The following PEAK1 variants were observed in gnomAD, a reference collection of about 807,000 sequenced individuals.
PEAK1 encodes the protein pseudopodium enriched atypical kinase 1, also known as inactive tyrosine-protein kinase PEAK1.
A neutral mutation model predicts 124.7 loss-of-function variants in PEAK1; 54 were observed. The ratio of observed to expected loss-of-function variants is 0.43; its 90% CI spans 0.35 to 0.54. The LOEUF is 0.54. Among genes scored for constraint, PEAK1 ranks in the 20% least tolerant of loss-of-function variants. PEAK1 has a pLI of 0.01. For synonymous variants in PEAK1, 719 were observed against 760.0 expected, an observed-to-expected ratio of 0.95 and a Z score of 0.89; for missense variants, 2,046 against 2,134.5, an observed-to-expected ratio of 0.96 and a Z score of 0.82.
rs997514573 is a variant in PEAK1 at position 77,286,516 on chromosome 15, T to C, written c.-602-12A>G. 2.5e-6 allele frequency: 3 copies of C among 1,201,818 alleles called. No individual in the cohort carries two copies. Among genetic ancestry groups the C allele is most frequent in the East Asian group, 3.2e-5 (1 of 31,438 alleles). The allele number at this position is 1,201,818 out of a possible 1,614,324, so 74.4% of individuals were successfully genotyped here. ...CAAGTATTCTTTTCCTATTAGAAGA[T>C]GCAAAGTGGGGAAGATATATTAATA... On this transcript the variant is annotated splice_polypyrimidine_tract_variant and intron_variant, in intron 2 of 9. Transcript: ENST00000682557.
In PEAK1 at chr15:77,371,508, TACC is replaced by T. The variant is rs71145817; in HGVS notation, c.-665-6286_-665-6284del. On this transcript the variant is annotated intron_variant, in intron 1 of 9. Coordinates refer to ENST00000682557, the MANE Select transcript of PEAK1 (RefSeq NM_001385026.1). ...AGCCTTTGTTGTAACACTACACACA[TACC>T]ACCACCACCACCACCACCACCACCA... 4.0e-4 allele frequency: 267 copies of T among 674,104 alleles called. 1 individual carries two copies. The highest frequency in any genetic ancestry group is 8.0e-4 in the South Asian group (13 of 16,334). 41.8% of individuals were successfully genotyped at this position (674,104 alleles called of 1,614,324 possible).
intron 9 of PEAK1, among the ~76,000 whole-genome samples, chr15:77,126,234 TA>T (rs1348691091): frequency 6.6e-6 from 1 of 152,206 alleles, no homozygotes; most frequent in Non-Finnish European, 1.5e-5. Context: ...ATGTGACATT[TA>T]AAAAATGTTT....
intron 8 of PEAK1, among the ~76,000 whole-genome samples, chr15:77,142,910 C>T (rs185768117): frequency 6.6e-6 from 1 of 152,250 alleles, no homozygotes; most frequent in East Asian, 1.9e-4. Flanking sequence ...ATTAGTGATG[C>T]TTGCAAAATT....
chr15:77,311,685 C>CAAAAAAAAA (rs11296386), intron 2 of PEAK1, among the ~76,000 whole-genome samples: 30 of 85,822 alleles, frequency 3.5e-4, no homozygotes, highest in Non-Finnish European at 4.3e-4. Flanking sequence ...CCAACCCCCA[C>CAAAAAAAAA]AAAAAAAAAA....
At chr15:77,157,912 T>C (rs2055297732) in intron 8 of PEAK1, 1 of 152,410 alleles carries the variant, frequency 6.6e-6, no homozygotes, top group South Asian at 2.1e-4. Context: ...AATTGTGTTA[T>C]TCCTCTGCTT....
In PEAK1 at chr15:77,258,893, A is replaced by T. The variant is rs2061302207; in HGVS notation, c.-274-6367T>A. Among the ~76,000 whole-genome samples the T allele has an allele frequency of 2.6e-5, 4 of 152,316 alleles. 1 individual carries two copies. Among genetic ancestry groups the T allele is most frequent in the South Asian group, 4.2e-4 (2 of 4,818 alleles). On this transcript the variant is annotated intron_variant, in intron 5 of 9. Coordinates refer to ENST00000682557, the MANE Select transcript of PEAK1 (RefSeq NM_001385026.1). ...TAGATAGCTCTTATTATTTTGAGAT[A>T]CGTCCCATCAATACCTAATTTATTG...
In PEAK1 at chr15:77,146,543, T is replaced by C. The variant is rs558958874; in HGVS notation, c.3331+11960A>G. ...AATTTAAATACTGCACTCTCTCAACTAATTCTAGTATATGGAAAACTATTT... is the reference window on the plus strand; with the variant it reads ...AATTTAAATACTGCACTCTCTCAACCAATTCTAGTATATGGAAAACTATTT... On this transcript the variant is annotated intron_variant, in intron 8 of 9. Transcript: ENST00000682557. Among the ~76,000 whole-genome samples, 6 of 152,322 alleles carry C rather than the reference T, an allele frequency of 3.9e-5. No homozygotes were observed. In the East Asian group the frequency reaches 1.2e-3, roughly 29 times the overall value.
rs975066585 is a variant in PEAK1, at chr15:77,113,054, T to G, written c.*1102A>C. On this transcript the variant is annotated 3_prime_UTR_variant, in exon 10 of 10. Coordinates refer to ENST00000682557, the MANE Select transcript of PEAK1 (RefSeq NM_001385026.1). ...GTCAGCAGTCTCATCAGTGGCCTTC[T>G]TCCTCTCCCCTGCCTACGGCCATCC... 5.9e-5 allele frequency: 9 copies of G among 152,364 alleles called. No individual in the cohort carries two copies. The highest frequency in any genetic ancestry group is 1.7e-4 in the African/African-American group (7 of 41,456). The allele number at this position is 152,364 out of a possible 1,614,324, so 9.4% of individuals were successfully genotyped here.
At chr15:77,381,433 A>C in intron 1 of PEAK1, 2 of 941,406 alleles carry the variant, frequency 2.1e-6, no homozygotes. Flanking sequence ...CTCTTAAAAA[A>C]AATAATTTTT....
chr15:77,176,261 G>GA (rs34451095), intron 7 of PEAK1, among the ~76,000 whole-genome samples: 44,611 of 94,584 alleles, frequency 0.47, 7,546 homozygotes, highest in Non-Finnish European at 0.52. Context: ...ATAATAAGAA[G>GA]AAAAAAAAAA....
intron 7 of PEAK1, among the ~76,000 whole-genome samples, chr15:77,173,320 A>T (rs1050824666): frequency 6.6e-6 from 1 of 152,158 alleles, no homozygotes; most frequent in Non-Finnish European, 1.5e-5. Flanking sequence ...AATTTAATTT[A>T]AAAAATTTTA....
At chr15:77,403,653 A>T (rs2071559897) in intron 1 of PEAK1, 8 of 881,530 alleles carry the variant, frequency 9.1e-6, no homozygotes, top group Non-Finnish European at 1.1e-5. Context: ...TGAATAAAAC[A>T]CATCCCCCTT....
At chr15:77,311,685 C>CAAA (rs11296386) in intron 2 of PEAK1, among the ~76,000 whole-genome samples, 1,336 of 85,700 alleles carry the variant, frequency 0.016, 10 homozygotes, top group Non-Finnish European at 0.022. Flanking sequence ...CCAACCCCCA[C>CAAA]AAAAAAAAAA....
At chr15:77,313,726 G>GTGTATATATATATATA (rs1462211130) in intron 2 of PEAK1, among the ~76,000 whole-genome samples, 1 of 108,568 alleles carries the variant, frequency 9.2e-6, no homozygotes, top group Non-Finnish European at 1.9e-5. Context: ...GTGTGTGTGT[G>GTGTATATATATATATA]TATATATATA....
chr15:77,137,245 G>C (rs2053412660), intron 8 of PEAK1, among the ~76,000 whole-genome samples: 1 of 152,234 alleles, frequency 6.6e-6, no homozygotes, highest in Admixed American at 6.5e-5. Flanking sequence ...GGAAATGTGG[G>C]GTCGGAGCCC....
intron 2 of PEAK1, among the ~76,000 whole-genome samples, chr15:77,338,659 A>G (rs900272987): frequency 6.7e-6 from 1 of 150,000 alleles, no homozygotes; most frequent in African/African-American, 2.4e-5. Context: ...ATATATATAT[A>G]TATGTATCTA....
chr15:77,410,927 T>C lies in PEAK1; in HGVS notation c.-666+9079A>G, dbSNP rs186029220. Among the ~76,000 whole-genome samples, 63 of 152,352 alleles carry C rather than the reference T, an allele frequency of 4.1e-4. No individual in the cohort carries two copies. The East Asian group carries it at 9.6e-3, about 23-fold the overall frequency. On this transcript the variant is annotated intron_variant, in intron 1 of 9. Transcript: ENST00000682557. ...TTAAATAATTACTAGATAGGTGCTA[T>C]TTGCCTGCCTCATGCCATACTACCA...
At chr15:77,354,487 T>C (rs2067386755) in intron 2 of PEAK1, among the ~76,000 whole-genome samples, 1 of 152,164 alleles carries the variant, frequency 6.6e-6, no homozygotes, top group African/African-American at 2.4e-5. Flanking sequence ...TAAAATAAAA[T>C]ATTAGCCATG....
chr15:77,394,385 A>G (rs2070732891), intron 1 of PEAK1, among the ~76,000 whole-genome samples: 1 of 152,194 alleles, frequency 6.6e-6, no homozygotes, highest in Non-Finnish European at 1.5e-5. Context: ...GTGGCCACAG[A>G]AGTGCTTGTG....
Sources: allele counts gnomAD v4.1 joint callset (sites outside exome capture counted in the v4.1 genomes callset), GRCh38; gene constraint gnomAD v4.1.1; transcripts MANE v1.5; gene names NCBI Gene and HGNC (gene_info 2026-07-23, HGNC 2026-07-21).